The following PDCD4 variants were observed in gnomAD, a reference collection of about 807,000 sequenced individuals.
PDCD4 encodes the protein programmed cell death protein 4.
PDCD4 carries 56 observed loss-of-function variants against 54.0 expected under a neutral mutation model. That is an observed-to-expected ratio of 1.04 (90% CI 0.84 to 1.30). PDCD4 has a LOEUF of 1.30. PDCD4 is among the 50% of genes most tolerant of loss of function. The pLI is 0.00. For missense variants in PDCD4, 584 were observed against 559.8 expected (o/e 1.04, Z -0.44); for synonymous variants, 186 against 194.8 (o/e 0.95, Z 0.37).
At chr10:110,891,890 G>C (rs1845763802) in intron 8 of PDCD4, among the ~76,000 whole-genome samples, 1 of 152,288 alleles carries the variant, frequency 6.6e-6, no homozygotes, top group African/African-American at 2.4e-5. Context: ...AAGGCATCCA[G>C]ATTGGAAAGG....
intron 1 of PDCD4, among the ~76,000 whole-genome samples, chr10:110,875,317 A>G (rs539428608): frequency 1.3e-3 from 204 of 152,234 alleles, no homozygotes; most frequent in African/African-American, 4.8e-3. Context: ...TCAGATTTTT[A>G]AAAAATGGAT....
At chr10:110,887,594 A>G in intron 5 of PDCD4, 71 bp from the exon 6 acceptor site, 2 of 1,131,448 alleles carry the variant, frequency 1.8e-6, no homozygotes, top group East Asian at 2.5e-5. Flanking sequence ...CAATTTTTCA[A>G]AAATAAAATT....
At position 110,898,307 on chromosome 10, in the gene PDCD4, CTCT is replaced by C. The variant is rs1396652128; in HGVS notation, c.*224_*226del. Reference sequence around the variant, plus strand: ...GGGCAAGGAGGGACAGAAAAGTAACCTCTTCTTAAGTGGAATATTCTAATAAGC... The same window carrying C: ...GGGCAAGGAGGGACAGAAAAGTAACCTCTTAAGTGGAATATTCTAATAAGC... On this transcript the variant is annotated 3_prime_UTR_variant, in exon 12 of 12. Transcript: ENST00000280154. 8 of 359,720 alleles carry C rather than the reference CTCT, an allele frequency of 2.2e-5. No homozygotes were observed. The highest frequency in any genetic ancestry group is 2.4e-4 in the South Asian group (2 of 8,254). 22.3% of individuals were successfully genotyped at this position (359,720 alleles called of 1,614,324 possible).
At chr10:110,877,068 T>C (rs1845516682) in intron 2 of PDCD4, among the ~76,000 whole-genome samples, 1 of 152,230 alleles carries the variant, frequency 6.6e-6, no homozygotes, top group South Asian at 2.1e-4. Context: ...TACAGATCTT[T>C]TTAAAGTATG....
chr10:110,875,016 A>T (rs954963828), intron 1 of PDCD4, among the ~76,000 whole-genome samples: 5 of 152,160 alleles, frequency 3.3e-5, no homozygotes, highest in African/African-American at 1.2e-4. Flanking sequence ...CTTATATCCA[A>T]CCTATGTGAC....
In PDCD4 at chr10:110,898,344, G is replaced by C; in HGVS notation, c.*256G>C. The C allele has an allele frequency of 3.4e-6, 1 of 293,630 alleles. No individual in the cohort carries two copies. The highest frequency in any genetic ancestry group is 6.2e-6 in the Non-Finnish European group (1 of 161,272). The allele number at this position is 293,630 out of a possible 1,614,324, so 18.2% of individuals were successfully genotyped here. On this transcript the variant is annotated 3_prime_UTR_variant, in exon 12 of 12. Transcript: ENST00000280154. ...GGAATATTCTAATAAGCTACCTTTT[G>C]TAAGTGCCATGTTTATTATCTAATC... is the stretch of plus-strand genomic sequence containing the variant.
intron 3 of PDCD4, 65 bp downstream of exon 3, chr10:110,881,600 T>A: frequency 7.6e-7 from 1 of 1,308,980 alleles, no homozygotes; most frequent in Non-Finnish European, 1.1e-6. Context: ...CTGGTTCTTG[T>A]ACTACACTTT....
rs201710126 is a variant in PDCD4, at chr10:110,890,545, T to C, written c.876-11T>C. 536 of 1,565,246 alleles carry C rather than the reference T, an allele frequency of 3.4e-4. 9 individuals carry two copies. In the South Asian group the frequency reaches 5.8e-3, roughly 17 times the overall value. ...CAGCTATCAAACTTAAATTTTTTTC[T>C]TTCTCTGTAGAGCTGCTCTGGATAA... On this transcript the variant is annotated splice_polypyrimidine_tract_variant and intron_variant, in intron 7 of 11. Transcript: ENST00000280154.
chr10:110,873,412 A>T (rs1272503430), intron 1 of PDCD4, among the ~76,000 whole-genome samples: 2 of 152,248 alleles, frequency 1.3e-5, no homozygotes, highest in Non-Finnish European at 2.9e-5. Context: ...AGAGCAATTT[A>T]TGAGGTATAT....
At chr10:110,883,575 A>C (rs1041847813) in intron 4 of PDCD4, among the ~76,000 whole-genome samples, 2 of 152,112 alleles carry the variant, frequency 1.3e-5, no homozygotes, top group African/African-American at 4.8e-5. Context: ...AGAATAGTAT[A>C]ATCTGCTTGT....
intron 11 of PDCD4, among the ~76,000 whole-genome samples, chr10:110,897,681 C>T (rs984103883): frequency 1.3e-5 from 2 of 151,992 alleles, no homozygotes; most frequent in African/African-American, 2.4e-5. Flanking sequence ...TTAGTGTTTC[C>T]TATTTGGCTT....
At chr10:110,894,345 A>G (rs2134005716) in intron 9 of PDCD4, 67 bp from the exon 10 acceptor site, 1 of 914,742 alleles carries the variant, frequency 1.1e-6, no homozygotes, top group Non-Finnish European at 1.8e-6. Context: ...GAAGGCATCT[A>G]GGTGCATTTT....
chr10:110,883,778 A>G (rs1044345345), intron 4 of PDCD4, among the ~76,000 whole-genome samples: 2 of 152,180 alleles, frequency 1.3e-5, no homozygotes, highest in African/African-American at 4.8e-5. Flanking sequence ...GGTGATGGAA[A>G]TTTTAGACAG....
At position 110,898,088 on chromosome 10, in the gene PDCD4, A is replaced by G. The variant is rs780773533; in HGVS notation, c.1410A>G (p.Ter470TrpextTer2). ...DGGRLKPESY[*>W] ...GTCGTCTTAAACCAGAGAGCTACTG[A>G]ATATAAGAACTCTTGCAGTCTTAGA... The change falls in exon 12 of 12, where the codon TGA becomes TGG. Residue 470 changes from the stop codon to tryptophan, a stop_lost. Coordinates refer to ENST00000280154, the MANE Select transcript of PDCD4 (RefSeq NM_014456.5). The G allele has an allele frequency of 6.4e-7, 1 of 1,563,226 alleles. No homozygotes were observed. The highest frequency in any genetic ancestry group is 1.8e-5 in the Admixed American group (1 of 57,130).
At chr10:110,889,494 TA>T in intron 6 of PDCD4, 38 bp from the exon 7 acceptor site, 1 of 1,182,920 alleles carries the variant, frequency 8.5e-7, no homozygotes, top group Non-Finnish European at 1.2e-6. Context: ...AAAAGTTATT[TA>T]ACTTTTTTTA....
At chr10:110,889,808 T>G (rs1187004591) in intron 7 of PDCD4, among the ~76,000 whole-genome samples, 178 bp downstream of exon 7, 1 of 152,206 alleles carries the variant, frequency 6.6e-6, no homozygotes, top group Non-Finnish European at 1.5e-5. Flanking sequence ...AGGACAGTAC[T>G]ATAATGGAAA....
chr10:110,887,620 T>G lies in PDCD4; in HGVS notation c.556-45T>G, dbSNP rs376334702. The G allele has an allele frequency of 7.5e-6, 10 of 1,340,892 alleles. No homozygotes were observed. The African/African-American group carries it at 1.5e-4, about 20-fold the overall frequency. The allele number at this position is 1,340,892 out of a possible 1,614,324, so 83.1% of individuals were successfully genotyped here. On this transcript the variant is annotated intron_variant, in intron 5 of 11. Coordinates refer to ENST00000280154, the MANE Select transcript of PDCD4 (RefSeq NM_014456.5). ...AAATAAAATTTTATTGAACTATAGG[T>G]AGTGATACACTTTTAAAATGTTTTT...
chr10:110,888,003 C>A, intron 6 of PDCD4, 117 bp downstream of exon 6: 1 of 612,848 alleles, frequency 1.6e-6, no homozygotes, highest in Non-Finnish European at 2.9e-6. Context: ...ACATTTCCTA[C>A]GACACCGAAA....
intron 8 of PDCD4, among the ~76,000 whole-genome samples, chr10:110,892,744 T>G (rs771895450): frequency 7.2e-5 from 11 of 152,268 alleles, no homozygotes; most frequent in Middle Eastern, 3.4e-3. Context: ...ATAAATTTAA[T>G]GTAGCCTAAG....
Sources: gnomAD v4.1 joint callset for allele counts (sites outside exome capture counted in the v4.1 genomes callset) on GRCh38, gnomAD v4.1.1 for gene constraint, MANE v1.5 for transcripts, NCBI Gene and HGNC (gene_info 2026-07-23, HGNC 2026-07-21) for gene names.